The following ATP11A variants were observed in gnomAD, a reference collection of about 807,000 sequenced individuals.
The protein encoded by ATP11A is ATPase phospholipid transporting 11A, also known as phospholipid-transporting ATPase IH.
ATP11A carries 81 observed loss-of-function variants against 154.4 expected under a neutral mutation model. The observed-to-expected ratio is 0.52, with a 90% CI of 0.44 to 0.63. The LOEUF (loss-of-function observed/expected upper bound fraction) is 0.63. ATP11A is among the 30% of genes least tolerant of loss of function. ATP11A has a pLI of 0.00. For missense variants in ATP11A, 1,316 were observed against 1,474.3 expected, an observed-to-expected ratio of 0.89 and a Z score of 1.76; for synonymous variants, 623 against 585.9, an observed-to-expected ratio of 1.06 and a Z score of -0.91.
chr13:112,875,881 C>T lies in ATP11A; in HGVS notation c.3267C>T (p.Pro1089=), dbSNP rs559953781. The change falls in exon 28 of 30, where the codon CCC becomes CCT. Residue 1089 remains proline (P), a synonymous_variant. Transcript: ENST00000375645. This position sits in a 1 kb window ranked among gnomAD's most constrained non-coding sequence, Gnocchi z 4.1. ...TGCTGGTGACCATCAGCCTCCTTCCCGACGTCCTCAAGAAAGTCCTGTGCC... is the reference window on the plus strand; with the variant it reads ...TGCTGGTGACCATCAGCCTCCTTCCTGACGTCCTCAAGAAAGTCCTGTGCC... ...IVLLVTISLL[P]DVLKKVLCRQ... is the part of the protein sequence containing the mutation. The T allele has an allele frequency of 9.3e-6, 15 of 1,613,798 alleles. 1 individual carries two copies. The South Asian group carries it at 1.2e-4, about 13-fold the overall frequency.
At chr13:112,808,182 G>A (rs777548796) in intron 4 of ATP11A, among the ~76,000 whole-genome samples, 32 of 152,054 alleles carry the variant, frequency 2.1e-4, no homozygotes, top group Non-Finnish European at 3.4e-4. Flanking sequence ...TCCTCGGCCC[G>A]GCTGTGCCCC....
rs552005921 is a variant in ATP11A, at chr13:112,769,748, C to T, written c.40-15387C>T. On this transcript the variant is annotated intron_variant, in intron 1 of 29. Transcript: ENST00000375645. ...GGGGTGGGCGAGCCTGCCCAGTGCC[C>T]TGTGGTGAAGAGGAGTCTCTGTCCT... 9.3e-4 allele frequency among the ~76,000 whole-genome samples: 141 copies of T among 152,304 alleles called. 1 individual carries two copies. The highest frequency in any genetic ancestry group is 3.3e-3 in the African/African-American group (136 of 41,560).
At position 112,785,132 on chromosome 13, in the gene ATP11A, C is replaced by T; in HGVS notation, c.40-3C>T. 1 of 1,491,780 alleles carries T rather than the reference C, an allele frequency of 6.7e-7. No individual in the cohort carries two copies. Among genetic ancestry groups the T allele is most frequent in the South Asian group, 1.4e-5 (1 of 73,094 alleles). The allele number at this position is 1,491,780 out of a possible 1,614,324, so 92.4% of individuals were successfully genotyped here. A position where few individuals can be genotyped will look rare whatever the true frequency, so the allele number is the denominator to read the frequency against. ...CTGCCTAACACCGCTCTCCTTTCCG[C>T]AGTGTGCAGGAGAAGAGAATTGGGT... On this transcript the variant is annotated splice_polypyrimidine_tract_variant and splice_region_variant and intron_variant, in intron 1 of 29. Transcript: ENST00000375645. The surrounding 1 kb of genome is among the most constrained non-coding windows in gnomAD (Gnocchi z 4.8).
intron 1 of ATP11A, among the ~76,000 whole-genome samples, chr13:112,703,638 A>G (rs1388068174): frequency 2.0e-5 from 3 of 152,232 alleles, no homozygotes; most frequent in Non-Finnish European, 4.4e-5. Context: ...GTTGTGGAAC[A>G]AAGTTAGGTA....
At chr13:112,821,061 T>C (rs903783558) in intron 8 of ATP11A, among the ~76,000 whole-genome samples, 7 of 152,236 alleles carry the variant, frequency 4.6e-5, no homozygotes, top group Admixed American at 3.3e-4. Context: ...TGCCTACGTA[T>C]ATACTGTTCT....
intron 1 of ATP11A, among the ~76,000 whole-genome samples, chr13:112,705,147 A>G (rs1315270383): frequency 1.3e-5 from 2 of 152,260 alleles, no homozygotes; most frequent in African/African-American, 4.8e-5. Flanking sequence ...TTTCAGTAAT[A>G]AATGACTTTG....
Position 112,882,547 on chromosome 13 carries a change from C to G in ATP11A, c.*681C>G. On this transcript the variant is annotated 3_prime_UTR_variant, in exon 30 of 30. Coordinates refer to ENST00000375645, the MANE Select transcript of ATP11A (RefSeq NM_015205.3). This position sits in a 1 kb window ranked among gnomAD's most constrained non-coding sequence, Gnocchi z 5.1. ...ATCCCTGCGGATGCACCGCCGTACC[C>G]TGCTCATCTGGGAGTGGTTTCCCTG... is the stretch of plus-strand genomic sequence containing the variant. 1 of 422,742 alleles carries G rather than the reference C, an allele frequency of 2.4e-6. No homozygotes were observed. Among genetic ancestry groups the G allele is most frequent in the African/African-American group, 2.0e-5 (1 of 49,468 alleles). The allele number at this position is 422,742 out of a possible 1,614,324, so 26.2% of individuals were successfully genotyped here.
At chr13:112,726,442 C>T (rs892492191) in intron 1 of ATP11A, among the ~76,000 whole-genome samples, 1 of 152,098 alleles carries the variant, frequency 6.6e-6, no homozygotes, top group African/African-American at 2.4e-5. Context: ...TGGCCGGGGG[C>T]AGTTGATAGG....
Position 112,873,879 on chromosome 13 carries a change from A to G in ATP11A, c.3161+203A>G, listed in dbSNP as rs1032521472. Among the ~76,000 whole-genome samples, 5 of 152,270 alleles carry G rather than the reference A, an allele frequency of 3.3e-5. No homozygotes were observed. The South Asian group carries it at 6.2e-4, about 19-fold the overall frequency. The stretch of plus-strand genomic sequence containing the variant: ...GGGGGTTCCTGCTCCGGTGACTTGC[A>G]TCTTCCGGGGGAGAAAGACGCTAAC... On this transcript the variant is annotated intron_variant, in intron 27 of 29. Transcript: ENST00000375645.
intron 1 of ATP11A, among the ~76,000 whole-genome samples, chr13:112,723,140 C>T (rs1438710850): frequency 6.6e-6 from 1 of 151,700 alleles, no homozygotes; most frequent in East Asian, 2.0e-4. Context: ...TGGCACTGGG[C>T]CCTGTTTATA....
intron 17 of ATP11A, among the ~76,000 whole-genome samples, chr13:112,842,829 G>A (rs2079462552): frequency 6.6e-6 from 1 of 152,240 alleles, no homozygotes; most frequent in African/African-American, 2.4e-5. Flanking sequence ...TCTTAAGCTT[G>A]TATGATAAGG....
intron 14 of ATP11A, 152 bp downstream of exon 14, chr13:112,833,175 C>T: frequency 1.0e-6 from 1 of 982,640 alleles, no homozygotes; most frequent in South Asian, 1.9e-5. Flanking sequence ...CTTCTCTGGA[C>T]CCCCGTCCCT....
intron 1 of ATP11A, among the ~76,000 whole-genome samples, chr13:112,757,903 C>T (rs1209285673): frequency 1.3e-5 from 2 of 152,158 alleles, no homozygotes; most frequent in African/African-American, 2.4e-5. Flanking sequence ...TAGGTCTGCA[C>T]GCTGTGTTAG....
In ATP11A at chr13:112,833,009, C is replaced by G; in HGVS notation, c.1545C>G (p.Val515=). The change falls in exon 14 of 30, where the codon GTC becomes GTG. Residue 515 remains valine (V), a synonymous_variant. Coordinates refer to ENST00000375645, the MANE Select transcript of ATP11A (RefSeq NM_015205.3). The part of the protein sequence containing the change: ...ISSSPDEVAL[V]EGVQRLGFTY... ...CCTCGCCCGACGAGGTGGCGCTGGT[C>G]GAAGGTGTCCAGAGGTACGTCGCGG... 2 of 1,612,624 alleles carry G rather than the reference C, an allele frequency of 1.2e-6. No individual in the cohort carries two copies. Among genetic ancestry groups the G allele is most frequent in the Non-Finnish European group, 8.5e-7 (1 of 1,179,554 alleles).
intron 1 of ATP11A, among the ~76,000 whole-genome samples, chr13:112,728,687 C>T (rs574318317): frequency 2.0e-5 from 3 of 150,208 alleles, no homozygotes; most frequent in East Asian, 2.0e-4. Flanking sequence ...CGTGAGACTG[C>T]GGCCCGCCTC....
intron 1 of ATP11A, among the ~76,000 whole-genome samples, chr13:112,782,865 G>A (rs1159578208): frequency 6.6e-6 from 1 of 152,228 alleles, no homozygotes; most frequent in Non-Finnish European, 1.5e-5. Context: ...ATTTGAGGGT[G>A]GAGTGTTCCT....
At chr13:112,717,561 A>G (rs886553382) in intron 1 of ATP11A, 1 of 152,226 alleles carries the variant, frequency 6.6e-6, no homozygotes, top group Non-Finnish European at 1.5e-5. Context: ...CAACCTTCAC[A>G]TTGTACATTA....
intron 29 of ATP11A, chr13:112,880,582 C>G: frequency 7.7e-7 from 1 of 1,300,888 alleles, no homozygotes; most frequent in Non-Finnish European, 1.0e-6. Context: ...CCAGGCCGCA[C>G]AGAGCAGCGA....
At chr13:112,770,688 A>G (rs1018528090) in intron 1 of ATP11A, among the ~76,000 whole-genome samples, 6 of 152,306 alleles carry the variant, frequency 3.9e-5, no homozygotes, top group Admixed American at 2.0e-4. Context: ...CAAGGCCCGC[A>G]CGCCCACCAG....
Sources: allele counts gnomAD v4.1 joint callset (sites outside exome capture counted in the v4.1 genomes callset), GRCh38; gene constraint gnomAD v4.1.1; non-coding constraint Gnocchi (gnomAD v3.1); transcripts MANE v1.5; gene names NCBI Gene and HGNC (gene_info 2026-07-23, HGNC 2026-07-21).